The following ATXN10 variants were observed in gnomAD, a reference collection of about 807,000 sequenced individuals.
The protein encoded by ATXN10 is ataxin 10, also known as ataxin-10.
ATXN10 carries 28 observed loss-of-function variants against 52.9 expected under a neutral mutation model. The ratio of observed to expected loss-of-function variants is 0.53; its 90% CI spans 0.39 to 0.73. The LOEUF is 0.73. Ranked by LOEUF, ATXN10 falls within the 30% of genes least tolerant of loss-of-function variation. ATXN10 has a pLI of 0.00. For synonymous variants in ATXN10, 226 were observed against 221.5 expected (o/e 1.02, Z -0.18); for missense variants, 565 against 577.0 (o/e 0.98, Z 0.21).
chr22:45,702,902 C>T (rs1298405744), intron 5 of ATXN10, 55 bp downstream of exon 5: 2 of 1,605,630 alleles, frequency 1.2e-6, no homozygotes, highest in African/African-American at 1.3e-5. Context: ...AGATCACTTT[C>T]CTTGCAGAGG....
In ATXN10 at chr22:45,812,664, A is replaced by G. The variant is rs1273272266; in HGVS notation, c.1237+5642A>G. Among the ~76,000 whole-genome samples the G allele has an allele frequency of 1.1e-4, 16 of 152,208 alleles. 1 individual carries two copies. Among genetic ancestry groups the G allele is most frequent in the Non-Finnish European group, 2.4e-4 (16 of 68,042 alleles). On this transcript the variant is annotated intron_variant, in intron 10 of 11. Transcript: ENST00000252934. ...AGTATTTTGTGTTAAAAAGCAATAGATATTTTGGGCATGCTGAGACTAGGA... is the reference window on the plus strand; with the variant it reads ...AGTATTTTGTGTTAAAAAGCAATAGGTATTTTGGGCATGCTGAGACTAGGA...
chr22:45,720,019 A>G (rs1013917601), intron 6 of ATXN10, among the ~76,000 whole-genome samples: 2 of 152,230 alleles, frequency 1.3e-5, no homozygotes, highest in African/African-American at 4.8e-5. Flanking sequence ...CAGTGAAAGC[A>G]TGAGTGAATG....
chr22:45,725,452 T>C (rs990937102), intron 6 of ATXN10, among the ~76,000 whole-genome samples: 27 of 151,946 alleles, frequency 1.8e-4, no homozygotes, highest in Non-Finnish European at 3.1e-4. Flanking sequence ...TGTTCTTGAT[T>C]TGTTTCTCAG....
intron 9 of ATXN10, 183 bp downstream of exon 9, chr22:45,740,721 T>TATATATATATATGTATATGTTA: frequency 2.7e-6 from 1 of 365,086 alleles, no homozygotes. Context: ...CACACACACA[T>TATATATATATATGTATATGTTA]ATATATACAC....
intron 10 of ATXN10, among the ~76,000 whole-genome samples, chr22:45,812,069 G>A (rs1742938908): frequency 6.6e-6 from 1 of 152,112 alleles, no homozygotes. Flanking sequence ...CCTGCGTGAA[G>A]GCAGTTGTCC....
At position 45,733,538 on chromosome 22, in the gene ATXN10, C is replaced by T. The variant is rs1340735415; in HGVS notation, c.894+3948C>T. On this transcript the variant is annotated intron_variant, in intron 7 of 11. Transcript: ENST00000252934. This position sits in a 1 kb window ranked among gnomAD's most constrained non-coding sequence, Gnocchi z 4.4. ...TTGCCTGAGGTCAGGAGTTTGAGAC[C>T]AGCCTGACTAACATGGTGAGACCCC... Among the ~76,000 whole-genome samples, 1 of 152,040 alleles carries T rather than the reference C, an allele frequency of 6.6e-6. No homozygotes were observed. Among genetic ancestry groups the T allele is most frequent in the Non-Finnish European group, 1.5e-5 (1 of 68,020 alleles).
At chr22:45,830,814 G>A (rs1928967284) in intron 10 of ATXN10, among the ~76,000 whole-genome samples, 1 of 152,098 alleles carries the variant, frequency 6.6e-6, no homozygotes, top group Non-Finnish European at 1.5e-5. Context: ...TCCCCAAAAA[G>A]TTAAAGATAG....
intron 10 of ATXN10, among the ~76,000 whole-genome samples, chr22:45,829,125 A>G (rs1184999980): frequency 6.6e-6 from 1 of 152,242 alleles, no homozygotes; most frequent in Non-Finnish European, 1.5e-5. Flanking sequence ...AAAGAAACAC[A>G]TGATCAATTC....
chr22:45,779,797 C>T (rs575051239), intron 9 of ATXN10, among the ~76,000 whole-genome samples: 4 of 152,002 alleles, frequency 2.6e-5, no homozygotes, highest in Admixed American at 1.3e-4. Flanking sequence ...AAATAGAATT[C>T]GTACATACTT....
chr22:45,674,264 G>A (rs1353901236), intron 1 of ATXN10: 1 of 152,256 alleles, frequency 6.6e-6, no homozygotes, highest in Non-Finnish European at 1.5e-5. Context: ...GGATTGTGGG[G>A]GGGAGAATGA....
At chr22:45,695,043 G>C (rs1378768626) in intron 3 of ATXN10, among the ~76,000 whole-genome samples, 1 of 148,486 alleles carries the variant, frequency 6.7e-6, no homozygotes, top group African/African-American at 2.5e-5. Flanking sequence ...AAATTTTGTT[G>C]TTGTTGGCTG....
Position 45,759,072 on chromosome 22 carries a change from T to C in ATXN10, c.1173+18534T>C, listed in dbSNP as rs1320860331. Among the ~76,000 whole-genome samples, 5 of 152,220 alleles carry C rather than the reference T, an allele frequency of 3.3e-5. No homozygotes were observed. Among genetic ancestry groups the C allele is most frequent in the African/African-American group, 1.2e-4 (5 of 41,452 alleles). On this transcript the variant is annotated intron_variant, in intron 9 of 11. Transcript: ENST00000252934. This position sits in a 1 kb window ranked among gnomAD's most constrained non-coding sequence, Gnocchi z 5.4. ...ATATCTCATATCTTTAAAGATAACT[T>C]TAGAAACTTACTGCCAGAGAAACAA...
intron 3 of ATXN10, among the ~76,000 whole-genome samples, chr22:45,697,670 C>T (rs1923667532): frequency 6.6e-6 from 1 of 152,142 alleles, no homozygotes; most frequent in Admixed American, 6.5e-5. Flanking sequence ...CTCGCTGTCG[C>T]CCAGGCTGGA....
rs542265686 is a variant in ATXN10, at chr22:45,691,873, A to G, written c.309-1123A>G. Reference sequence around the variant, plus strand: ...GGGCTACTGCACTTCAGCCTGGGCAACAGAGTGAGACTCCGTCTCAAAAAA... The same window carrying G: ...GGGCTACTGCACTTCAGCCTGGGCAGCAGAGTGAGACTCCGTCTCAAAAAA... On this transcript the variant is annotated intron_variant, in intron 2 of 11. Transcript: ENST00000252934. Among the ~76,000 whole-genome samples, 441 of 152,284 alleles carry G rather than the reference A, an allele frequency of 2.9e-3. 2 individuals carry two copies. The highest frequency in any genetic ancestry group is 8.7e-3 in the South Asian group (42 of 4,826).
Position 45,795,415 on chromosome 22 carries a change from A to ATTCTG in ATXN10, c.1174-11540_1174-11539insGTTCT, listed in dbSNP as rs1555896251. 5.2e-5 allele frequency among the ~76,000 whole-genome samples: 7 copies of ATTCTG among 134,076 alleles called. No individual in the cohort carries two copies. The highest frequency in any genetic ancestry group is 2.1e-4 in the East Asian group (1 of 4,852). The allele number at this position is 134,076 out of a possible 152,430, so 88.0% of individuals were successfully genotyped here. ...ATTCTATTCTATTCTATTCTATTCT[A>ATTCTG]TTCTATTCTTTTTGAGATGAAGTCT... On this transcript the variant is annotated intron_variant, in intron 9 of 11. Coordinates refer to ENST00000252934, the MANE Select transcript of ATXN10 (RefSeq NM_013236.4). The surrounding 1 kb of genome is among the most constrained non-coding windows in gnomAD (Gnocchi z 4.6).
At position 45,789,975 on chromosome 22, in the gene ATXN10, A is replaced by G. The variant is rs562266053; in HGVS notation, c.1174-16984A>G. 6.6e-6 allele frequency among the ~76,000 whole-genome samples: 1 copy of G among 152,322 alleles called. No homozygotes were observed. Among genetic ancestry groups the G allele is most frequent in the African/African-American group, 2.4e-5 (1 of 41,568 alleles). ...ATTAAGATACTCCAATGAAAGGCCT[A>G]CATTCATTGTAATAATAGAATGCCC... On this transcript the variant is annotated intron_variant, in intron 9 of 11. Coordinates refer to ENST00000252934, the MANE Select transcript of ATXN10 (RefSeq NM_013236.4). The surrounding 1 kb of genome is among the most constrained non-coding windows in gnomAD (Gnocchi z 4.0).
rs918702030 is a variant in ATXN10 at position 45,843,338 on chromosome 22, G to A, written c.1425+160G>A. On this transcript the variant is annotated intron_variant, in intron 11 of 11. Coordinates refer to ENST00000252934, the MANE Select transcript of ATXN10 (RefSeq NM_013236.4). The surrounding 1 kb of genome is among the most constrained non-coding windows in gnomAD (Gnocchi z 4.5). The stretch of plus-strand genomic sequence containing the variant: ...GAAAGCCCTAAAGATAGCTGCAAAC[G>A]GTTTTTTTGTTCCGGCTTTATGCTG... Among the ~76,000 whole-genome samples, 6 of 152,100 alleles carry A rather than the reference G, an allele frequency of 3.9e-5. No homozygotes were observed. Among genetic ancestry groups the A allele is most frequent in the Non-Finnish European group, 7.4e-5 (5 of 68,010 alleles).
rs1282233692 is a variant in ATXN10 at position 45,757,457 on chromosome 22, C to CTGCTCCCCGTTCAAGGCCTCTGGAGAA, written c.1173+16922_1173+16948dup. Among the ~76,000 whole-genome samples the CTGCTCCCCGTTCAAGGCCTCTGGAGAA allele has an allele frequency of 1.3e-5, 2 of 152,156 alleles. No individual in the cohort carries two copies. The highest frequency in any genetic ancestry group is 3.9e-4 in the East Asian group (2 of 5,180). On this transcript the variant is annotated intron_variant, in intron 9 of 11. Transcript: ENST00000252934. This position sits in a 1 kb window ranked among gnomAD's most constrained non-coding sequence, Gnocchi z 4.6. ...GCCCAGGCTGGGATTCAGGATTTCG[C>CTGCTCCCCGTTCAAGGCCTCTGGAGAA]TGCTCCCCGTTCAAGGCCTCTGGAG...
intron 9 of ATXN10, among the ~76,000 whole-genome samples, chr22:45,802,644 G>T (rs1005157444): frequency 6.6e-6 from 1 of 152,150 alleles, no homozygotes; most frequent in Non-Finnish European, 1.5e-5. Context: ...GTATGAATAA[G>T]AAATATTTAT....
Sources: gnomAD v4.1 joint callset for allele counts (sites outside exome capture counted in the v4.1 genomes callset) on GRCh38, gnomAD v4.1.1 for gene constraint, Gnocchi (gnomAD v3.1) non-coding constraint, MANE v1.5 for transcripts, NCBI Gene and HGNC (gene_info 2026-07-23, HGNC 2026-07-21) for gene names.